HEATR5B: variants seen among roughly 807,000 people sequenced by gnomAD.
HEATR5B encodes HEAT repeat containing 5B, also known as HEAT repeat-containing protein 5B.
In HEATR5B, 156 loss-of-function variants were observed where a neutral mutation model predicts 224.1. The ratio of observed to expected loss-of-function variants is 0.70; its 90% CI spans 0.61 to 0.80. The LOEUF is 0.80. Among genes scored for constraint, HEATR5B ranks in the 30% least tolerant of loss-of-function variants. The pLI is 0.00. For synonymous variants in HEATR5B, 1,027 were observed against 893.0 expected, an observed-to-expected ratio of 1.15 and a Z score of -2.68; for missense variants, 2,323 against 2,535.5, an observed-to-expected ratio of 0.92 and a Z score of 1.80.
chr2:37,031,184 C>T (rs10865120), intron 22 of HEATR5B, among the ~76,000 whole-genome samples: 15,229 of 152,194 alleles, frequency 0.1, 1,127 homozygotes, highest in African/African-American at 0.2. Flanking sequence ...CCTCTAACTT[C>T]ATCCTACACA....
intron 26 of HEATR5B, among the ~76,000 whole-genome samples, chr2:37,015,943 A>C (rs1668085728): frequency 6.6e-6 from 1 of 152,160 alleles, no homozygotes. Context: ...AGTTACAATT[A>C]AGGGACAAGT....
chr2:37,014,095 T>C (rs764030879), intron 26 of HEATR5B, 75 bp from the exon 27 acceptor site: 4 of 818,622 alleles, frequency 4.9e-6, no homozygotes, highest in Non-Finnish European at 7.4e-6. Flanking sequence ...AAATGACTTT[T>C]TTCCTAGAAG....
chr2:37,003,495 G>A (rs748027968), intron 31 of HEATR5B, 47 bp downstream of exon 31: 4 of 1,323,094 alleles, frequency 3.0e-6, no homozygotes, highest in South Asian at 1.3e-5. Flanking sequence ...AAAAATTAGA[G>A]TATAAAATAA....
chr2:37,078,992 G>A (rs1374173349), intron 3 of HEATR5B, 128 bp downstream of exon 3: 1 of 581,840 alleles, frequency 1.7e-6, no homozygotes, highest in East Asian at 2.9e-5. Flanking sequence ...TCCACTTAGA[G>A]CTCTCACTGT....
At chr2:37,026,892 A>G (rs13394987) in intron 24 of HEATR5B, among the ~76,000 whole-genome samples, 88,723 of 151,988 alleles carry the variant, frequency 0.58, 26,183 homozygotes, top group East Asian at 0.67. Context: ...TCCGCCTCCC[A>G]GGTTCAAGCG....
At chr2:37,068,587 ATAAAC>A (rs1458497301) in intron 8 of HEATR5B, 89 bp downstream of exon 8, 33 of 1,313,084 alleles carry the variant, frequency 2.5e-5, no homozygotes, top group Non-Finnish European at 3.3e-5. Context: ...ACACAGAAAG[ATAAAC>A]TAATCAGTCT....
At chr2:36,997,321 A>G (rs1031202068) in intron 33 of HEATR5B, among the ~76,000 whole-genome samples, 2 of 152,080 alleles carry the variant, frequency 1.3e-5, no homozygotes, top group Admixed American at 6.6e-5. Flanking sequence ...AATAGCTGGG[A>G]CCACATGTGT....
intron 10 of HEATR5B, among the ~76,000 whole-genome samples, chr2:37,062,954 A>T (rs1671373674): frequency 6.6e-6 from 1 of 152,130 alleles, no homozygotes; most frequent in African/African-American, 2.4e-5. Flanking sequence ...TACTTGGAAA[A>T]TTTTAAAAAT....
chr2:37,072,764 A>G (rs951380451), intron 5 of HEATR5B, among the ~76,000 whole-genome samples: 19 of 152,188 alleles, frequency 1.2e-4, no homozygotes, highest in Non-Finnish European at 2.2e-4. Flanking sequence ...AAAAAAAAAA[A>G]GTAAAAATAC....
intron 29 of HEATR5B, among the ~76,000 whole-genome samples, chr2:37,006,262 G>A (rs756447850): frequency 1.3e-5 from 2 of 152,110 alleles, no homozygotes; most frequent in African/African-American, 2.4e-5. Flanking sequence ...TGATGAATCC[G>A]ATAATTACAC....
intron 33 of HEATR5B, among the ~76,000 whole-genome samples, chr2:36,993,052 A>C (rs1666442235): frequency 6.6e-6 from 1 of 152,200 alleles, no homozygotes; most frequent in East Asian, 1.9e-4. Context: ...TGTGATTTTA[A>C]GAAGATGGGG....
At position 37,083,427 on chromosome 2, in the gene HEATR5B, A is replaced by T; in HGVS notation, c.-13T>A. The T allele has an allele frequency of 1.2e-6, 2 of 1,606,060 alleles. No homozygotes were observed. The highest frequency in any genetic ancestry group is 1.7e-6 in the Non-Finnish European group (2 of 1,175,162). ...GGGCTAACTCCATTACGGAAGTTTG[A>T]AATTCACACCTTAAATTTAACAGAG... On this transcript the variant is annotated 5_prime_UTR_variant, in exon 2 of 36. Coordinates refer to ENST00000233099, the MANE Select transcript of HEATR5B (RefSeq NM_019024.3).
At chr2:37,010,194 A>C (rs570836201) in intron 27 of HEATR5B, among the ~76,000 whole-genome samples, 65 of 152,330 alleles carry the variant, frequency 4.3e-4, no homozygotes, top group African/African-American at 1.1e-3. Context: ...GAAAACAAAA[A>C]AAGAAAGGAA....
intron 26 of HEATR5B, among the ~76,000 whole-genome samples, chr2:37,014,230 C>T (rs1452805644): frequency 6.6e-6 from 1 of 152,012 alleles, no homozygotes; most frequent in Admixed American, 6.6e-5. Flanking sequence ...GGCGTGATCT[C>T]GGCTCACTGC....
At chr2:37,070,008 C>G (rs1159541374) in intron 7 of HEATR5B, among the ~76,000 whole-genome samples, 2 of 151,910 alleles carry the variant, frequency 1.3e-5, no homozygotes, top group Non-Finnish European at 2.9e-5. Context: ...AGCGATTCTC[C>G]TGCCTCAGCC....
chr2:37,043,291 T>C (rs1485040036), intron 18 of HEATR5B, among the ~76,000 whole-genome samples: 1 of 152,180 alleles, frequency 6.6e-6, no homozygotes, highest in Non-Finnish European at 1.5e-5. Context: ...AATCAATAGA[T>C]ACCAAGAAGT....
chr2:36,987,877 A>C (rs1405947226), intron 35 of HEATR5B, among the ~76,000 whole-genome samples: 3 of 152,030 alleles, frequency 2.0e-5, no homozygotes, highest in Non-Finnish European at 4.4e-5. Flanking sequence ...TCAGAGACCA[A>C]CCTGGGCAAC....
rs765474413 is a variant in HEATR5B, at chr2:37,083,347, G to T, written c.68C>A (p.Pro23Gln). The change falls in exon 2 of 36, where the codon CCA becomes CAA. Residue 23 changes from proline to glutamine, a missense_variant. Physicochemically the swap from Pro to Gln is moderately conservative, Grantham distance 76. Transcript: ENST00000233099. The part of the protein sequence containing the change: ...ALAQITEAKR[P>Q]VFIFEWLRFL... ...TCGCAACCATTCAAAGATGAAAACT[G>T]GTCTTTTTGCTTCGGTGATTTGAGC... 2.5e-6 allele frequency: 4 copies of T among 1,613,798 alleles called. No individual in the cohort carries two copies. Among genetic ancestry groups the T allele is most frequent in the Non-Finnish European group, 2.5e-6 (3 of 1,179,804 alleles).
chr2:37,034,411 A>C (rs1460595013), intron 21 of HEATR5B, among the ~76,000 whole-genome samples: 1 of 139,854 alleles, frequency 7.2e-6, no homozygotes, highest in Non-Finnish European at 1.6e-5. Flanking sequence ...CAGGAGATCG[A>C]GACCATCCCG....
Sources: allele counts gnomAD v4.1 joint callset (sites outside exome capture counted in the v4.1 genomes callset), GRCh38; gene constraint gnomAD v4.1.1; transcripts MANE v1.5; gene names NCBI Gene and HGNC (gene_info 2026-07-23, HGNC 2026-07-21).